The following CALN1 variants were observed in gnomAD, a reference collection of about 807,000 sequenced individuals.
CALN1 encodes the protein calcium-binding protein 8.
In CALN1, 17 loss-of-function variants were observed where a neutral mutation model predicts 30.6. The ratio of observed to expected loss-of-function variants is 0.56; its 90% CI spans 0.38 to 0.83. The LOEUF (loss-of-function observed/expected upper bound fraction) is 0.83, where lower values mean the gene tolerates loss of function less well. CALN1 is among the 40% of genes least tolerant of loss of function. The pLI is 0.00. For synonymous variants in CALN1, 156 were observed against 131.4 expected (o/e 1.19, Z -1.28); for missense variants, 291 against 354.9 (o/e 0.82, Z 1.45).
intron 5 of CALN1, among the ~76,000 whole-genome samples, chr7:71,932,319 G>A (rs1795596324): frequency 6.6e-6 from 1 of 152,034 alleles, no homozygotes; most frequent in South Asian, 2.1e-4. Flanking sequence ...GGGACTACAG[G>A]CACACACCAC....
At chr7:72,064,897 T>A (rs577640304) in intron 4 of CALN1, among the ~76,000 whole-genome samples, 71 of 146,624 alleles carry the variant, frequency 4.8e-4, no homozygotes, top group East Asian at 3.9e-3. Context: ...CTGATCTTTT[T>A]AAAAAAAAAA....
chr7:72,432,926 C>T (rs145468997), intron 1 of CALN1, among the ~76,000 whole-genome samples: 3 of 152,250 alleles, frequency 2.0e-5, no homozygotes, highest in East Asian at 1.9e-4. Context: ...TTCATGTAAT[C>T]GTGTTATCTT....
chr7:72,216,344 G>A (rs1049707268), intron 3 of CALN1, among the ~76,000 whole-genome samples: 6 of 151,928 alleles, frequency 3.9e-5, no homozygotes, highest in African/African-American at 1.5e-4. Flanking sequence ...GAGGATCACT[G>A]GAGCCCAGAA....
chr7:72,360,084 A>C (rs1384633065), intron 2 of CALN1, among the ~76,000 whole-genome samples: 1 of 152,162 alleles, frequency 6.6e-6, no homozygotes, highest in African/African-American at 2.4e-5. Flanking sequence ...CCTGGCAGCG[A>C]AATAGAATGT....
intron 3 of CALN1, among the ~76,000 whole-genome samples, chr7:72,144,986 A>G (rs1179216168): frequency 1.3e-5 from 2 of 152,210 alleles, no homozygotes; most frequent in African/African-American, 4.8e-5. Flanking sequence ...GTAGAGGGAA[A>G]TTTATAGCAC....
intron 2 of CALN1, among the ~76,000 whole-genome samples, chr7:72,293,069 T>G (rs1798605407): frequency 6.6e-6 from 1 of 151,784 alleles, no homozygotes; most frequent in Non-Finnish European, 1.5e-5. Flanking sequence ...TTCCCCTTCC[T>G]TCCTTTCTTT....
intron 2 of CALN1, among the ~76,000 whole-genome samples, chr7:72,310,236 A>G (rs1351555116): frequency 6.6e-6 from 1 of 151,464 alleles, no homozygotes; most frequent in Non-Finnish European, 1.5e-5. Flanking sequence ...GCACAATGCT[A>G]CTCCATCTTA....
intron 1 of CALN1, 101 bp downstream of exon 1, chr7:72,411,957 T>C (rs1308324383): frequency 1.3e-5 from 2 of 152,160 alleles, no homozygotes; most frequent in Non-Finnish European, 2.9e-5. Flanking sequence ...AATCCGGAAC[T>C]TGTCTCCAGA....
chr7:72,451,202 G>C (rs1039464118), upstream of CALN1, among the ~76,000 whole-genome samples: 1 of 123,274 alleles, frequency 8.1e-6, no homozygotes, highest in Admixed American at 7.9e-5. Flanking sequence ...AGAAGAAGAA[G>C]AAGAAGAAGG....
chr7:72,127,220 C>T (rs1159796178), intron 3 of CALN1, among the ~76,000 whole-genome samples: 1 of 151,764 alleles, frequency 6.6e-6, no homozygotes, highest in East Asian at 2.0e-4. Flanking sequence ...GAAGAGTGTT[C>T]CAGACAGAGG....
chr7:72,424,879 C>T (rs1807747172), intron 1 of CALN1, among the ~76,000 whole-genome samples: 1 of 152,058 alleles, frequency 6.6e-6, no homozygotes, highest in Non-Finnish European at 1.5e-5. Context: ...TCTTTATTTT[C>T]TACCTTGGTA....
intron 4 of CALN1, among the ~76,000 whole-genome samples, chr7:72,076,322 G>A (rs1804722684): frequency 6.6e-6 from 1 of 151,480 alleles, no homozygotes; most frequent in Non-Finnish European, 1.5e-5. Context: ...AAGCAGGCCA[G>A]GTGCGGTGGC....
chr7:72,214,505 GAA>G (rs1792634337), intron 3 of CALN1, among the ~76,000 whole-genome samples: 1 of 151,918 alleles, frequency 6.6e-6, no homozygotes, highest in Non-Finnish European at 1.5e-5. Flanking sequence ...AGAAGAGAAA[GAA>G]AAAAGAAATA....
chr7:72,387,298 G>GGGAGGA (rs1562939188), intron 2 of CALN1, among the ~76,000 whole-genome samples: 188 of 6,782 alleles, frequency 0.028, 8 homozygotes, highest in Non-Finnish European at 0.03. Context: ...GGGAGGGAGG[G>GGGAGGA]AGGGAGGGAG....
intron 3 of CALN1, among the ~76,000 whole-genome samples, chr7:72,247,223 CTTTCTTTTTTTTTTTTTTT>C (rs1349877674): frequency 4.8e-4 from 21 of 43,524 alleles, no homozygotes; most frequent in African/African-American, 1.3e-3. Flanking sequence ...AGACCATTTT[CTTTCTTTTTTTTTTTTTTT>C]TTTTTTTTTT....
At chr7:72,285,398 C>G (rs186217596) in intron 2 of CALN1, among the ~76,000 whole-genome samples, 17 of 152,120 alleles carry the variant, frequency 1.1e-4, no homozygotes, top group Non-Finnish European at 2.2e-4. Flanking sequence ...CGCCTGCCAC[C>G]ACGTCTGCCT....
At chr7:71,806,560 C>G (rs950260384) in intron 6 of CALN1, among the ~76,000 whole-genome samples, 4 of 152,170 alleles carry the variant, frequency 2.6e-5, no homozygotes, top group Non-Finnish European at 5.9e-5. Context: ...ACCCGCCTTG[C>G]CCTCCCAAAG....
chr7:71,963,199 G>A (rs1174190757), intron 5 of CALN1, among the ~76,000 whole-genome samples: 1 of 152,106 alleles, frequency 6.6e-6, no homozygotes, highest in Non-Finnish European at 1.5e-5. Context: ...GTCTTGCTCT[G>A]TCACCCAGGC....
intron 2 of CALN1, among the ~76,000 whole-genome samples, chr7:72,398,098 G>T (rs186440255): frequency 1.3e-5 from 2 of 152,166 alleles, no homozygotes; most frequent in African/African-American, 4.8e-5. Flanking sequence ...TAGGGACAGG[G>T]AAGAGAGGCA....
Sources: allele counts gnomAD v4.1 joint callset (sites outside exome capture counted in the v4.1 genomes callset), GRCh38; gene constraint gnomAD v4.1.1; transcripts MANE v1.5; gene names NCBI Gene and HGNC (gene_info 2026-07-23, HGNC 2026-07-21).